The following EYS variants were observed in gnomAD, a reference collection of about 807,000 sequenced individuals.
EYS encodes protein eyes shut homolog.
EYS carries 250 observed loss-of-function variants against 282.1 expected under a neutral mutation model. The observed-to-expected ratio is 0.89, with a 90% confidence interval of 0.80 to 0.98. EYS has a LOEUF of 0.98. EYS is among the 50% of genes least tolerant of loss of function. EYS has a pLI of 0.00. For synonymous variants in EYS, 1,355 were observed against 1,282.9 expected, an observed-to-expected ratio of 1.06 and a Z score of -1.20; for missense variants, 4,016 against 3,709.0, an observed-to-expected ratio of 1.08 and a Z score of -2.15.
At chr6:64,326,762 G>A (rs1770436207) in intron 29 of EYS, among the ~76,000 whole-genome samples, 1 of 152,002 alleles carries the variant, frequency 6.6e-6, no homozygotes, top group African/African-American at 2.4e-5. Context: ...CTGCATTCTG[G>A]AGCCTTCCCC....
At chr6:64,089,846 C>T (rs1434720496) in intron 31 of EYS, among the ~76,000 whole-genome samples, 2 of 152,062 alleles carry the variant, frequency 1.3e-5, no homozygotes, top group African/African-American at 4.8e-5. Context: ...CTACTTCATT[C>T]CTTCATTTAA....
In EYS at chr6:65,627,570, G is replaced by C. The variant is rs373911606; in HGVS notation, c.-333+12208C>G. ...ACCGGGGCTGCCTGCCGCGCTTGCG[G>C]GCCAGCTGGAGTTCCGGGTCAGCTG... On this transcript the variant is annotated intron_variant, in intron 2 of 42. Coordinates refer to ENST00000503581, the MANE Select transcript of EYS (RefSeq NM_001142800.2). 1.8e-3 allele frequency among the ~76,000 whole-genome samples: 276 copies of C among 152,276 alleles called. 1 individual carries two copies. The highest frequency in any genetic ancestry group is 5.9e-3 in the African/African-American group (246 of 41,578).
At chr6:65,106,054 T>A (rs1052753099) in intron 12 of EYS, among the ~76,000 whole-genome samples, 6 of 151,934 alleles carry the variant, frequency 3.9e-5, no homozygotes, top group African/African-American at 1.4e-4. Context: ...ACCATTATGA[T>A]CTGAAAAATC....
At chr6:65,282,130 G>C (rs1768240119) in intron 12 of EYS, among the ~76,000 whole-genome samples, 2 of 150,928 alleles carry the variant, frequency 1.3e-5, no homozygotes, top group Admixed American at 6.6e-5. Context: ...CAGACAGGAG[G>C]GAAAAAAATA....
chr6:65,341,194 C>G (rs927775816), intron 10 of EYS, among the ~76,000 whole-genome samples: 5 of 151,004 alleles, frequency 3.3e-5, no homozygotes, highest in African/African-American at 1.2e-4. Flanking sequence ...CTCTGGTGTT[C>G]CTTTGGGCAA....
chr6:64,652,600 C>G (rs573755131), intron 22 of EYS, among the ~76,000 whole-genome samples: 1 of 152,146 alleles, frequency 6.6e-6, no homozygotes, highest in Non-Finnish European at 1.5e-5. Context: ...GAACCAGTCA[C>G]GCCATGCCTG....
intron 31 of EYS, among the ~76,000 whole-genome samples, chr6:64,171,350 G>A (rs1764473601): frequency 6.6e-6 from 1 of 152,112 alleles, no homozygotes; most frequent in African/African-American, 2.4e-5. Context: ...AATAATGCCT[G>A]GAGTAGTCAA....
chr6:64,157,948 T>C (rs1286217382), intron 31 of EYS, among the ~76,000 whole-genome samples: 1 of 152,038 alleles, frequency 6.6e-6, no homozygotes, highest in Non-Finnish European at 1.5e-5. Context: ...CCCAGAATAG[T>C]AGATCCAGCT....
At chr6:64,594,113 T>A (rs1158274554) in intron 24 of EYS, among the ~76,000 whole-genome samples, 1 of 152,156 alleles carries the variant, frequency 6.6e-6, no homozygotes, top group Non-Finnish European at 1.5e-5. Flanking sequence ...TGCAGAACAC[T>A]TAAGTCTTCT....
At chr6:65,524,217 T>C (rs1387133268) in intron 2 of EYS, among the ~76,000 whole-genome samples, 2 of 150,634 alleles carry the variant, frequency 1.3e-5, no homozygotes, top group African/African-American at 2.5e-5. Flanking sequence ...CACCCTGGCC[T>C]GCACAGTAAC....
At chr6:65,507,739 G>T (rs565149591) in intron 2 of EYS, among the ~76,000 whole-genome samples, 3 of 151,920 alleles carry the variant, frequency 2.0e-5, no homozygotes, top group East Asian at 3.9e-4. Context: ...ACCTATCAAT[G>T]GTCTTTATTT....
intron 12 of EYS, among the ~76,000 whole-genome samples, chr6:65,259,586 T>G (rs1261094697): frequency 6.6e-6 from 1 of 152,148 alleles, no homozygotes; most frequent in African/African-American, 2.4e-5. Context: ...GTATTTCAGA[T>G]GAAAAATTTA....
intron 2 of EYS, among the ~76,000 whole-genome samples, chr6:65,525,807 T>G (rs975240573): frequency 6.6e-6 from 1 of 152,224 alleles, no homozygotes; most frequent in Non-Finnish European, 1.5e-5. Flanking sequence ...CTCAGAAGTC[T>G]TGATTGTTTT....
chr6:63,817,970 T>G (rs1771225325), intron 36 of EYS, among the ~76,000 whole-genome samples: 1 of 152,228 alleles, frequency 6.6e-6, no homozygotes, highest in Non-Finnish European at 1.5e-5. Flanking sequence ...TGTGTGCATG[T>G]GTGCCTGTTA....
chr6:65,624,246 C>A (rs1411789303), intron 2 of EYS, among the ~76,000 whole-genome samples: 1 of 152,118 alleles, frequency 6.6e-6, no homozygotes, highest in Non-Finnish European at 1.5e-5. Flanking sequence ...TTACATTAAA[C>A]CCTGTATTTT....
intron 39 of EYS, among the ~76,000 whole-genome samples, 182 bp downstream of exon 39, chr6:63,787,923 G>A (rs1307655702): frequency 6.6e-6 from 1 of 151,978 alleles, no homozygotes; most frequent in East Asian, 1.9e-4. Context: ...TGGGCAACAA[G>A]AGCGAAACTC....
At chr6:64,585,821 A>G (rs1457226978) in intron 26 of EYS, among the ~76,000 whole-genome samples, 3 of 152,140 alleles carry the variant, frequency 2.0e-5, no homozygotes, top group Admixed American at 2.0e-4. Flanking sequence ...TTCAAATAAT[A>G]TAAGTTCTAA....
At chr6:64,643,282 T>C (rs975388737) in intron 22 of EYS, among the ~76,000 whole-genome samples, 1 of 152,224 alleles carries the variant, frequency 6.6e-6, no homozygotes, top group Non-Finnish European at 1.5e-5. Flanking sequence ...AAAGTAATTG[T>C]GGTTTTGTCA....
At chr6:64,173,660 G>A (rs1042368642) in intron 31 of EYS, among the ~76,000 whole-genome samples, 2 of 152,140 alleles carry the variant, frequency 1.3e-5, no homozygotes, top group African/African-American at 2.4e-5. Context: ...AAGCTTTTCA[G>A]TGTGATACCT....
Sources: gnomAD v4.1 joint callset for allele counts (sites outside exome capture counted in the v4.1 genomes callset) on GRCh38, gnomAD v4.1.1 for gene constraint, MANE v1.5 for transcripts, NCBI Gene and HGNC (gene_info 2026-07-23, HGNC 2026-07-21) for gene names.